CNTF: variants seen among roughly 807,000 people sequenced by gnomAD.
The protein encoded by CNTF is ciliary neurotrophic factor, also known as Ciliary Neuronotrophic Factor.
Under a neutral mutation model 13.0 loss-of-function variants are expected in CNTF, and 14 were observed. That is an observed-to-expected ratio of 1.07 (90% CI 0.71 to 1.68). The LOEUF is 1.68. Among genes scored for constraint, CNTF ranks in the 40% most tolerant of loss-of-function variants. The pLI is 0.00. For missense variants in CNTF, 283 were observed against 252.5 expected (o/e 1.12, Z -0.82); for synonymous variants, 98 against 92.4 (o/e 1.06, Z -0.35).
At chr11:58,623,363 G>A (rs1411067198) in intron 1 of CNTF, among the ~76,000 whole-genome samples, 1 of 152,210 alleles carries the variant, frequency 6.6e-6, no homozygotes, top group African/African-American at 2.4e-5. Context: ...TGTCTAAAGA[G>A]AAAGGTAAGC....
rs75769623 is a variant in CNTF at position 58,622,820 on chromosome 11, T to C, written c.68T>C (p.Leu23Pro). 4.1e-4 allele frequency: 659 copies of C among 1,614,098 alleles called. 4 individuals carry two copies. The African/African-American group carries it at 7.8e-3, about 19-fold the overall frequency. ...GACCTCTGTAGCCGCTCTATCTGGC[T>C]AGCAAGGAAGATTCGTTCAGACCTG... ...RRDLCSRSIW[L>P]ARKIRSDLTA... is the part of the protein sequence containing the mutation. The change falls in exon 1 of 2, where the codon CTA (leucine) becomes CCA (proline). Residue 23 changes from leucine (L) to proline (P), a missense_variant. Transcript: ENST00000361987.
At chr11:58,622,916 C>A in intron 1 of CNTF, 50 bp downstream of exon 1, 2 of 1,305,312 alleles carry the variant, frequency 1.5e-6, no homozygotes, top group Non-Finnish European at 2.2e-6. Context: ...CTTTTTTGAT[C>A]CAGCAACTTA....
rs1162048666 is a variant in CNTF, at chr11:58,625,009, A to C, written c.*487A>C. On this transcript the variant is annotated 3_prime_UTR_variant, in exon 2 of 2. Coordinates refer to ENST00000361987, the MANE Select transcript of CNTF (RefSeq NM_000614.4). ...ATGGCTAACTTTTATTATCTTCTAT[A>C]TTAAGGCAGTATGCCAAGGGTCTTT... The C allele has an allele frequency of 5.9e-6, 1 of 169,438 alleles. No homozygotes were observed. Among genetic ancestry groups the C allele is most frequent in the Non-Finnish European group, 1.3e-5 (1 of 78,518 alleles). The allele number at this position is 169,438 out of a possible 1,614,324, so 10.5% of individuals were successfully genotyped here.
In CNTF at chr11:58,624,050, T is replaced by G. The variant is rs146857969; in HGVS notation, c.131T>G (p.Leu44Arg). ...LTESYVKHQG[L>R]NKNINLDSAD... ...CTCGGCCAGGTGAAGCATCAGGGCC[T>G]GAACAAGAACATCAACCTGGACTCT... Residue 44 changes from leucine (L) to arginine (R), a missense_variant, in exon 2 of 2, where the codon CTG becomes CGG. Coordinates refer to ENST00000361987, the MANE Select transcript of CNTF (RefSeq NM_000614.4). The G allele has an allele frequency of 9.9e-6, 16 of 1,612,266 alleles. No homozygotes were observed. The African/African-American group carries it at 1.6e-4, about 16-fold the overall frequency.
Position 58,624,338 on chromosome 11 carries a change from A to T in CNTF, c.419A>T (p.Asp140Val), listed in dbSNP as rs1357150012. 3 of 1,613,652 alleles carry T rather than the reference A, an allele frequency of 1.9e-6. No homozygotes were observed. The highest frequency in any genetic ancestry group is 2.5e-6 in the Non-Finnish European group (3 of 1,179,994). Reference protein sequence around the residue: ...LEYKIPRNEADGMPINVGDGG... With the variant: ...LEYKIPRNEAVGMPINVGDGG... ...TACAAGATCCCCCGCAATGAGGCTG[A>T]TGGGATGCCTATTAATGTTGGAGAT... The change falls in exon 2 of 2, where the codon GAT (aspartate) becomes GTT (valine). Residue 140 changes from aspartate to valine, a missense_variant. Physicochemically the swap from Asp to Val is radical, Grantham distance 152 (BLOSUM62 -3). Coordinates refer to ENST00000361987, the MANE Select transcript of CNTF (RefSeq NM_000614.4).
Position 58,624,391 on chromosome 11 carries a change from G to A in CNTF, c.472G>A (p.Gly158Ser). ...DGGLFEKKLWGLKVLQELSQW... is the reference protein window; with the variant it reads ...DGGLFEKKLWSLKVLQELSQW... ...TGGTCTCTTTGAGAAGAAGCTGTGG[G>A]GCCTAAAGGTGCTGCAGGAGCTTTC... The change falls in exon 2 of 2, where the codon GGC becomes AGC. Residue 158 changes from glycine to serine, a missense_variant. By Grantham distance (56) the Gly-to-Ser change is moderately conservative. Transcript: ENST00000361987. 6.2e-7 allele frequency: 1 copy of A among 1,613,970 alleles called. No individual in the cohort carries two copies. Among genetic ancestry groups the A allele is most frequent in the Non-Finnish European group, 8.5e-7 (1 of 1,179,970 alleles).
Position 58,624,843 on chromosome 11 carries a change from A to G in CNTF, c.*321A>G, listed in dbSNP as rs867280335. 3.0e-6 allele frequency: 1 copy of G among 328,090 alleles called. No individual in the cohort carries two copies. Among genetic ancestry groups the G allele is most frequent in the South Asian group, 3.1e-5 (1 of 32,632 alleles). The allele number at this position is 328,090 out of a possible 1,614,324, so 20.3% of individuals were successfully genotyped here. On this transcript the variant is annotated 3_prime_UTR_variant, in exon 2 of 2. Transcript: ENST00000361987. ...GGGTTCTAACCTTTCTAACCCACTA[A>G]GTAACCTCTACAGGCATTTAACTGC...
chr11:58,624,624 C>A lies in CNTF; in HGVS notation c.*102C>A. On this transcript the variant is annotated 3_prime_UTR_variant, in exon 2 of 2. Transcript: ENST00000361987. ...CTTAAATTTCTAAAAACAGTTAAGACAACAGGCATTTTCTTTCTTTTTTCT... is the reference window on the plus strand; with the variant it reads ...CTTAAATTTCTAAAAACAGTTAAGAAAACAGGCATTTTCTTTCTTTTTTCT... The A allele has an allele frequency of 7.1e-7, 1 of 1,408,578 alleles. No homozygotes were observed. Among genetic ancestry groups the A allele is most frequent in the Non-Finnish European group, 9.8e-7 (1 of 1,016,642 alleles). The allele number at this position is 1,408,578 out of a possible 1,614,324, so 87.3% of individuals were successfully genotyped here.
rs1855912984 is a variant in CNTF at position 58,625,110 on chromosome 11, C to G, written c.*588C>G. 6.5e-6 allele frequency: 1 copy of G among 152,964 alleles called. No individual in the cohort carries two copies. The highest frequency in any genetic ancestry group is 1.5e-5 in the Non-Finnish European group (1 of 68,604). 9.5% of individuals were successfully genotyped at this position (152,964 alleles called of 1,614,324 possible). On this transcript the variant is annotated 3_prime_UTR_variant, in exon 2 of 2. Transcript: ENST00000361987. ...CCCATTAGGTAGATGAGAAAACAGG[C>G]TCACAGAGATTTGGTTAAGCTCACA...
intron 1 of CNTF, among the ~76,000 whole-genome samples, chr11:58,623,167 A>G (rs1176147351): frequency 6.6e-6 from 1 of 152,190 alleles, no homozygotes; most frequent in Non-Finnish European, 1.5e-5. Flanking sequence ...ATACTACTAG[A>G]ACAGATTAGC....
chr11:58,624,381 G>C lies in CNTF; in HGVS notation c.462G>C (p.Lys154Asn), dbSNP rs377329925. 1.2e-5 allele frequency: 19 copies of C among 1,613,958 alleles called. No homozygotes were observed. The highest frequency in any genetic ancestry group is 1.6e-5 in the Non-Finnish European group (19 of 1,180,012). ...TTGGAGATGGTGGTCTCTTTGAGAA[G>C]AAGCTGTGGGGCCTAAAGGTGCTGC... ...INVGDGGLFE[K>N]KLWGLKVLQE... The change falls in exon 2 of 2, where the codon AAG (lysine) becomes AAC (asparagine). Residue 154 changes from lysine to asparagine, a missense_variant. Lys to Asn is a moderately conservative substitution (Grantham distance 94). Coordinates refer to ENST00000361987, the MANE Select transcript of CNTF (RefSeq NM_000614.4).
Position 58,624,394 on chromosome 11 carries a change from C to T in CNTF, c.475C>T (p.Leu159=). The change falls in exon 2 of 2, where the codon CTA becomes TTA. Residue 159 remains leucine, a synonymous_variant. Transcript: ENST00000361987. The part of the protein sequence containing the change: ...GGLFEKKLWG[L]KVLQELSQWT... Reference sequence around the variant, plus strand: ...TCTCTTTGAGAAGAAGCTGTGGGGCCTAAAGGTGCTGCAGGAGCTTTCACA... The same window carrying T: ...TCTCTTTGAGAAGAAGCTGTGGGGCTTAAAGGTGCTGCAGGAGCTTTCACA... 6.2e-7 allele frequency: 1 copy of T among 1,613,980 alleles called. No homozygotes were observed. The highest frequency in any genetic ancestry group is 1.1e-5 in the South Asian group (1 of 91,060).
In CNTF at chr11:58,624,783, G is replaced by T. The variant is rs999371496; in HGVS notation, c.*261G>T. On this transcript the variant is annotated 3_prime_UTR_variant, in exon 2 of 2. Transcript: ENST00000361987. ...GTGCTTGCATGTGCTGCAGGTGTAAGAGAGTGGGAGCAGGGACAACGTCCT... is the reference window on the plus strand; with the variant it reads ...GTGCTTGCATGTGCTGCAGGTGTAATAGAGTGGGAGCAGGGACAACGTCCT... 2 of 434,314 alleles carry T rather than the reference G, an allele frequency of 4.6e-6. No individual in the cohort carries two copies. The highest frequency in any genetic ancestry group is 7.3e-5 in the Admixed American group (2 of 27,540). 26.9% of individuals were successfully genotyped at this position (434,314 alleles called of 1,614,324 possible). A position where few individuals can be genotyped will look rare whatever the true frequency, so the allele number is the denominator to read the frequency against.
rs1342034204 is a variant in CNTF at position 58,622,811 on chromosome 11, C to CT, written c.60dup (p.Ile21TyrfsTer42). ...CACCGTCGGGACCTCTGTAGCCGCT[C>CT]TATCTGGCTAGCAAGGAAGATTCGT... On this transcript the variant is annotated frameshift_variant, in exon 1 of 2. Coordinates refer to ENST00000361987, the MANE Select transcript of CNTF (RefSeq NM_000614.4). LOFTEE classifies it high-confidence loss of function. 3 of 1,613,944 alleles carry CT rather than the reference C, an allele frequency of 1.9e-6. No individual in the cohort carries two copies. Among genetic ancestry groups the CT allele is most frequent in the Non-Finnish European group, 2.5e-6 (3 of 1,179,950 alleles).
In CNTF at chr11:58,624,297, A is replaced by T; in HGVS notation, c.378A>T (p.Leu126Phe). 1 of 1,613,816 alleles carries T rather than the reference A, an allele frequency of 6.2e-7. No individual in the cohort carries two copies. The highest frequency in any genetic ancestry group is 2.2e-5 in the East Asian group (1 of 44,878). ...CCTTTGCATACCAGATAGAGGAGTT[A>T]ATGATACTCCTGGAATACAAGATCC... is the stretch of plus-strand genomic sequence containing the variant. ...VAAFAYQIEELMILLEYKIPR... is the reference protein window; with the variant it reads ...VAAFAYQIEEFMILLEYKIPR... The change falls in exon 2 of 2, where the codon TTA (leucine) becomes TTT (phenylalanine). Residue 126 changes from leucine to phenylalanine, a missense_variant. Physicochemically the swap from Leu to Phe is conservative, Grantham distance 22. Coordinates refer to ENST00000361987, the MANE Select transcript of CNTF (RefSeq NM_000614.4).
intron 1 of CNTF, 140 bp downstream of exon 1, chr11:58,623,006 TTC>T: frequency 1.7e-6 from 1 of 594,646 alleles, no homozygotes; most frequent in Non-Finnish European, 3.2e-6. Flanking sequence ...ACATGGGCCC[TTC>T]CCTTGAGGAA....
chr11:58,624,461 C>A lies in CNTF; in HGVS notation c.542C>A (p.Ser181Tyr). The A allele has an allele frequency of 1.2e-6, 2 of 1,614,008 alleles. No individual in the cohort carries two copies. Among genetic ancestry groups the A allele is most frequent in the Non-Finnish European group, 1.7e-6 (2 of 1,179,956 alleles). The change falls in exon 2 of 2, where the codon TCT (serine) becomes TAT (tyrosine). Residue 181 changes from serine to tyrosine, a missense_variant. Physicochemically the swap from Ser to Tyr is moderately radical, Grantham distance 144. Transcript: ENST00000361987. ...ATCCATGACCTTCGTTTCATTTCTT[C>A]TCATCAGACTGGGATCCCAGCACGT... ...RSIHDLRFIS[S>Y]HQTGIPARGS...
Position 58,624,125 on chromosome 11 carries a change from A to G in CNTF, c.206A>G (p.Glu69Gly). Residue 69 changes from glutamate to glycine, a missense_variant, in exon 2 of 2, where the codon GAG becomes GGG. Physicochemically the swap from Glu to Gly is moderately conservative, Grantham distance 98. Transcript: ENST00000361987. ...ASTDQWSELT[E>G]AERLQENLQA... ...ACTGATCAGTGGAGTGAGCTGACCG[A>G]GGCAGAGCGACTCCAAGAGAACCTT... The G allele has an allele frequency of 1.9e-6, 3 of 1,613,366 alleles. No homozygotes were observed. Among genetic ancestry groups the G allele is most frequent in the Non-Finnish European group, 2.5e-6 (3 of 1,179,514 alleles).
rs897592338 is a variant in CNTF, at chr11:58,625,145, A to T, written c.*623A>T. ...TTTGGTTAAGCTCACACAGCTAACA[A>T]GTAGCACACTGAGTTTGAACACAGA... On this transcript the variant is annotated 3_prime_UTR_variant, in exon 2 of 2. Transcript: ENST00000361987. 1 of 152,912 alleles carries T rather than the reference A, an allele frequency of 6.5e-6. No individual in the cohort carries two copies. Among genetic ancestry groups the T allele is most frequent in the African/African-American group, 2.4e-5 (1 of 41,462 alleles). 9.5% of individuals were successfully genotyped at this position (152,912 alleles called of 1,614,324 possible).
Sources: allele counts gnomAD v4.1 joint callset (sites outside exome capture counted in the v4.1 genomes callset), GRCh38; gene constraint gnomAD v4.1.1; transcripts MANE v1.5; gene names NCBI Gene and HGNC (gene_info 2026-07-23, HGNC 2026-07-21).